MAGI1: variants seen among roughly 807,000 people sequenced by gnomAD.
MAGI1 encodes the protein membrane associated guanylate kinase, WW and PDZ domain containing 1.
MAGI1 carries 58 observed loss-of-function variants against 139.9 expected under a neutral mutation model. That is an observed-to-expected ratio of 0.41 (90% confidence interval 0.34 to 0.52). The LOEUF (loss-of-function observed/expected upper bound fraction) is 0.52. Ranked by LOEUF, MAGI1 falls within the 20% of genes least tolerant of loss-of-function variation. The pLI, the probability that MAGI1 is intolerant of heterozygous loss-of-function variation, is 0.12. For synonymous variants in MAGI1, 812 were observed against 737.9 expected (o/e 1.10, Z -1.63); for missense variants, 1,874 against 1,901.6 (o/e 0.99, Z 0.27).
At chr3:65,856,564 C>T (rs2059384479) in intron 1 of MAGI1, among the ~76,000 whole-genome samples, 1 of 152,194 alleles carries the variant, frequency 6.6e-6, no homozygotes, top group African/African-American at 2.4e-5. Flanking sequence ...CATCGGGTGA[C>T]ACAGATGCTG....
At chr3:65,495,920 G>T (rs1952399765) in intron 2 of MAGI1, among the ~76,000 whole-genome samples, 1 of 152,096 alleles carries the variant, frequency 6.6e-6, no homozygotes, top group Non-Finnish European at 1.5e-5. Context: ...AAAAGGGCTG[G>T]AAACGAAAGC....
At chr3:65,536,138 A>C (rs1287123899) in intron 2 of MAGI1, among the ~76,000 whole-genome samples, 1 of 152,196 alleles carries the variant, frequency 6.6e-6, no homozygotes, top group Non-Finnish European at 1.5e-5. Context: ...GTTAGTACAC[A>C]CTGTTGATTT....
intron 1 of MAGI1, among the ~76,000 whole-genome samples, chr3:65,980,198 C>A (rs2065494284): frequency 6.6e-6 from 1 of 152,150 alleles, no homozygotes; most frequent in African/African-American, 2.4e-5. Flanking sequence ...TGACACTGGA[C>A]AAATTACTTA....
At chr3:65,604,380 A>T (rs2106868003) in intron 2 of MAGI1, among the ~76,000 whole-genome samples, 1 of 152,258 alleles carries the variant, frequency 6.6e-6, no homozygotes, top group Middle Eastern at 3.4e-3. Context: ...TTTAAGAAAT[A>T]GCAAATACTG....
chr3:65,861,205 C>G (rs2059545004), intron 1 of MAGI1, among the ~76,000 whole-genome samples: 1 of 152,210 alleles, frequency 6.6e-6, no homozygotes, highest in Non-Finnish European at 1.5e-5. Context: ...ACAGAAGTCA[C>G]AAAGTGGAAA....
intron 7 of MAGI1, among the ~76,000 whole-genome samples, chr3:65,446,872 G>A (rs1269652741): frequency 6.6e-6 from 1 of 152,002 alleles, no homozygotes; most frequent in African/African-American, 2.4e-5. Context: ...ACCATTGTTG[G>A]CATGTGCATC....
At chr3:65,489,716 C>T (rs544664914) in intron 3 of MAGI1, among the ~76,000 whole-genome samples, 42 of 152,192 alleles carry the variant, frequency 2.8e-4, no homozygotes, top group African/African-American at 8.9e-4. Flanking sequence ...TAAGGGCAAA[C>T]GGCAATAACA....
At chr3:65,435,308 G>A (rs1947756117) in intron 10 of MAGI1, among the ~76,000 whole-genome samples, 1 of 151,628 alleles carries the variant, frequency 6.6e-6, no homozygotes, top group South Asian at 2.1e-4. Context: ...AGAAAAGTAA[G>A]AATCTGAGAT....
rs375187124 is a variant in MAGI1, at chr3:65,816,273, A to G, written c.314-194185T>C. On this transcript the variant is annotated intron_variant, in intron 1 of 22. Transcript: ENST00000402939. ...ACAAGGTTTTAGAAATCTCTAGAAC[A>G]GGACTATCCAAAAAAAAAACACTTT... is the stretch of plus-strand genomic sequence containing the variant. 3.9e-5 allele frequency among the ~76,000 whole-genome samples: 6 copies of G among 152,118 alleles called. 1 individual carries two copies. In the South Asian group the frequency reaches 1.0e-3, roughly 26 times the overall value.
chr3:65,557,563 T>G (rs1230074915), intron 2 of MAGI1, among the ~76,000 whole-genome samples: 1 of 152,234 alleles, frequency 6.6e-6, no homozygotes, highest in Non-Finnish European at 1.5e-5. Context: ...GCAATTACCT[T>G]AAAACTTAGC....
chr3:65,932,382 A>G lies in MAGI1; in HGVS notation c.313+105614T>C, dbSNP rs72906998. On this transcript the variant is annotated intron_variant, in intron 1 of 22. Transcript: ENST00000402939. ...GTTTCACGAAACAAAAATAAAAAAG[A>G]AAGATTAGGTAATATGTTTTCTAAA... Among the ~76,000 whole-genome samples the G allele has an allele frequency of 4.2e-3, 642 of 152,336 alleles. 1 individual carries two copies. The highest frequency in any genetic ancestry group is 0.014 in the African/African-American group (602 of 41,574).
chr3:65,618,031 C>T lies in MAGI1; in HGVS notation c.430+3941G>A, dbSNP rs80214689. On this transcript the variant is annotated intron_variant, in intron 2 of 22. Transcript: ENST00000402939. Reference sequence around the variant, plus strand: ...AGGGGGAGAGGGCAACAGGCCCAATCTGCAGAAGCAACGGAGGACTTCGTG... The same window carrying T: ...AGGGGGAGAGGGCAACAGGCCCAATTTGCAGAAGCAACGGAGGACTTCGTG... Among the ~76,000 whole-genome samples, 4 of 152,294 alleles carry T rather than the reference C, an allele frequency of 2.6e-5. No homozygotes were observed. The East Asian group carries it at 7.7e-4, about 29-fold the overall frequency.
intron 1 of MAGI1, among the ~76,000 whole-genome samples, chr3:66,006,844 T>TTGTTTTG (rs397757272): frequency 6.6e-6 from 1 of 151,772 alleles, no homozygotes; most frequent in African/African-American, 2.4e-5. Context: ...TTGTTTTGTT[T>TTGTTTTG]ATTAGAGATG....
At chr3:65,621,932 C>T (rs1317436389) in intron 2 of MAGI1, 40 bp downstream of exon 2, 1 of 1,423,128 alleles carries the variant, frequency 7.0e-7, no homozygotes, top group East Asian at 2.3e-5. Flanking sequence ...CACACACACA[C>T]ACACACACAG....
intron 1 of MAGI1, among the ~76,000 whole-genome samples, chr3:65,949,422 T>C (rs1207684701): frequency 3.3e-5 from 5 of 152,250 alleles, no homozygotes; most frequent in Non-Finnish European, 5.9e-5. Context: ...ACAAATGTTA[T>C]CTTCTGTCTC....
rs1275305182 is a variant in MAGI1, at chr3:65,355,275, A to G, written c.*1103T>C. On this transcript the variant is annotated 3_prime_UTR_variant, in exon 23 of 23. Transcript: ENST00000402939. The stretch of plus-strand genomic sequence containing the variant: ...CACTTCCTTCCTTTCCCTTCTACCA[A>G]CCTAGAGACTTGGACTATGGTTTCA... The G allele has an allele frequency of 6.6e-6, 1 of 152,140 alleles. No individual in the cohort carries two copies. The highest frequency in any genetic ancestry group is 1.5e-5 in the Non-Finnish European group (1 of 68,040). 9.4% of individuals were successfully genotyped at this position (152,140 alleles called of 1,614,324 possible). A position where few individuals can be genotyped will look rare whatever the true frequency, so the allele number is the denominator to read the frequency against.
At chr3:65,751,409 C>A (rs1010437981) in intron 1 of MAGI1, among the ~76,000 whole-genome samples, 1 of 152,216 alleles carries the variant, frequency 6.6e-6, no homozygotes, top group Non-Finnish European at 1.5e-5. Context: ...CACACAGTGT[C>A]TCTCCCTTTG....
intron 1 of MAGI1, among the ~76,000 whole-genome samples, chr3:65,664,106 T>A (rs2086364717): frequency 6.6e-6 from 1 of 152,186 alleles, no homozygotes; most frequent in East Asian, 1.9e-4. Flanking sequence ...TCCATGCCAT[T>A]GCAACAGTTC....
At chr3:65,435,818 T>C (rs72896306) in intron 10 of MAGI1, among the ~76,000 whole-genome samples, 7,382 of 152,070 alleles carry the variant, frequency 0.049, 608 homozygotes, top group African/African-American at 0.17. Context: ...AAAAGACAAC[T>C]GCAAACAGAA....
Sources: gnomAD v4.1 joint callset for allele counts (sites outside exome capture counted in the v4.1 genomes callset) on GRCh38, gnomAD v4.1.1 for gene constraint, MANE v1.5 for transcripts, NCBI Gene and HGNC (gene_info 2026-07-23, HGNC 2026-07-21) for gene names.